OOSP2: variants seen among roughly 807,000 people sequenced by gnomAD.
OOSP2 encodes the protein oocyte-secreted protein 2.
Under a neutral mutation model 13.4 loss-of-function variants are expected in OOSP2, and 7 were observed. The observed-to-expected ratio is 0.52, with a 90% CI of 0.30 to 0.98. The LOEUF (loss-of-function observed/expected upper bound fraction) is 0.98. OOSP2 is among the 50% of genes least tolerant of loss of function. The pLI, the probability that OOSP2 is intolerant of heterozygous loss-of-function variation, is 0.07. For synonymous variants in OOSP2, 75 were observed against 67.2 expected, an observed-to-expected ratio of 1.12 and a Z score of -0.57; for missense variants, 184 against 188.5, an observed-to-expected ratio of 0.98 and a Z score of 0.14.
chr11:60,043,782 A>G, intron 2 of OOSP2, 135 bp downstream of exon 2: 3 of 548,196 alleles, frequency 5.5e-6, no homozygotes, highest in Non-Finnish European at 9.8e-6. Context: ...AACGGAATTT[A>G]TCATTATTTT....
chr11:60,044,785 C>T lies in OOSP2; in HGVS notation c.347+11C>T. The T allele has an allele frequency of 8.0e-7, 1 of 1,252,826 alleles. No individual in the cohort carries two copies. The highest frequency in any genetic ancestry group is 1.2e-6 in the Non-Finnish European group (1 of 855,666). The allele number at this position is 1,252,826 out of a possible 1,614,324, so 77.6% of individuals were successfully genotyped here. A position where few individuals can be genotyped will look rare whatever the true frequency, so the allele number is the denominator to read the frequency against. Reference sequence around the variant, plus strand: ...GTGTTCCACCTCTAGGTAAGTCCAGCAGATTTGATTCCTTTGGAATGTTTT... The same window carrying T: ...GTGTTCCACCTCTAGGTAAGTCCAGTAGATTTGATTCCTTTGGAATGTTTT... On this transcript the variant is annotated intron_variant, in intron 3 of 3. Transcript: ENST00000278855.
intron 3 of OOSP2, among the ~76,000 whole-genome samples, chr11:60,045,226 A>G (rs1404645622): frequency 6.6e-6 from 1 of 152,196 alleles, no homozygotes; most frequent in Non-Finnish European, 1.5e-5. Context: ...TTTAATACTA[A>G]CTCATGGAGA....
chr11:60,042,328 A>G (rs4938929), intron 1 of OOSP2, among the ~76,000 whole-genome samples: 24 of 152,304 alleles, frequency 1.6e-4, no homozygotes, highest in South Asian at 1.2e-3. Context: ...CAGTATTTCA[A>G]ACACGTAGAG....
chr11:60,043,738 T>G, intron 2 of OOSP2, 91 bp downstream of exon 2: 1 of 691,370 alleles, frequency 1.4e-6, no homozygotes, highest in Non-Finnish European at 2.4e-6. Context: ...AAATAATGTT[T>G]GCTTCTCATT....
chr11:60,046,902 A>C, intron 3 of OOSP2, 42 bp from the exon 4 acceptor site: 2 of 1,574,920 alleles, frequency 1.3e-6, no homozygotes, highest in Non-Finnish European at 1.7e-6. Context: ...CTTGATCCCA[A>C]GTGCTCCAAC....
chr11:60,044,706 G>A lies in OOSP2; in HGVS notation c.279G>A (p.Glu93=). The A allele has an allele frequency of 6.2e-7, 1 of 1,602,028 alleles. No individual in the cohort carries two copies. Among genetic ancestry groups the A allele is most frequent in the Non-Finnish European group, 8.5e-7 (1 of 1,170,104 alleles). Residue 93 remains glutamate (E), a synonymous_variant, in exon 3 of 4, where the codon GAG becomes GAA. Coordinates refer to ENST00000278855, the MANE Select transcript of OOSP2 (RefSeq NM_173801.5). ...VSEETLLFQT[E]LYFTPRNIDH... ...AGGAAACTCTCCTTTTTCAAACCGA[G>A]CTGTACTTTACCCCAAGGAATATAG...
chr11:60,044,540 AT>A, intron 2 of OOSP2, 130 bp from the exon 3 acceptor site: 1 of 481,076 alleles, frequency 2.1e-6, no homozygotes, highest in Non-Finnish European at 3.7e-6. Flanking sequence ...GAGTTGTCAT[AT>A]CTTTATTTAT....
At chr11:60,044,890 T>C (rs1590602781) in intron 3 of OOSP2, 116 bp downstream of exon 3, 1 of 463,316 alleles carries the variant, frequency 2.2e-6, no homozygotes, top group East Asian at 3.2e-5. Context: ...ATAAGTATAA[T>C]TGTAAACAAA....
In OOSP2 at chr11:60,044,703, C is replaced by A. The variant is rs755325379; in HGVS notation, c.276C>A (p.Thr92=). The change falls in exon 3 of 4, where the codon ACC becomes ACA. Residue 92 remains threonine (T), a synonymous_variant. Transcript: ENST00000278855. ...CTGAGGAAACTCTCCTTTTTCAAAC[C>A]GAGCTGTACTTTACCCCAAGGAATA... The part of the protein sequence containing the change: ...VVSEETLLFQ[T]ELYFTPRNID... The A allele has an allele frequency of 1.3e-6, 2 of 1,597,854 alleles. No homozygotes were observed. Among genetic ancestry groups the A allele is most frequent in the Non-Finnish European group, 1.7e-6 (2 of 1,167,046 alleles).
Position 60,044,664 on chromosome 11 carries a change from C to G in OOSP2, c.244-7C>G. On this transcript the variant is annotated splice_region_variant and splice_polypyrimidine_tract_variant and intron_variant, in intron 2 of 3. Transcript: ENST00000278855. ...ATATCTTCCACTGAAACTTCATGCT[C>G]TCCTAGGTAGTTTCTGAGGAAACTC... 7.4e-7 allele frequency: 1 copy of G among 1,358,758 alleles called. No individual in the cohort carries two copies. The highest frequency in any genetic ancestry group is 1.1e-6 in the Non-Finnish European group (1 of 949,152). The allele number at this position is 1,358,758 out of a possible 1,614,324, so 84.2% of individuals were successfully genotyped here. A position where few individuals can be genotyped will look rare whatever the true frequency, so the allele number is the denominator to read the frequency against.
chr11:60,043,580 CAAATCGGA>C lies in OOSP2; in HGVS notation c.177_184del (p.Asn60ThrfsTer6), dbSNP rs755067706. The C allele has an allele frequency of 6.2e-7, 1 of 1,608,616 alleles. No homozygotes were observed. The highest frequency in any genetic ancestry group is 1.1e-5 in the South Asian group (1 of 90,972). ...TTACATCTGGGAATGGGCTGCCCTG[CAAATCGGA>C]TACATACATATGTATATGAGTTTAT... On this transcript the variant is annotated frameshift_variant, in exon 2 of 4. Coordinates refer to ENST00000278855, the MANE Select transcript of OOSP2 (RefSeq NM_173801.5). LOFTEE classifies it high-confidence loss of function.
At chr11:60,045,951 G>A (rs1461038954) in intron 3 of OOSP2, among the ~76,000 whole-genome samples, 1 of 151,864 alleles carries the variant, frequency 6.6e-6, no homozygotes, top group African/African-American at 2.4e-5. Context: ...GTCTGTCCCT[G>A]TCTTTCTGGT....
At chr11:60,042,303 T>G (rs1854946056) in intron 1 of OOSP2, among the ~76,000 whole-genome samples, 1 of 152,244 alleles carries the variant, frequency 6.6e-6, no homozygotes, top group Non-Finnish European at 1.5e-5. Flanking sequence ...TCATCTTTCC[T>G]AGGTGATGTG....
chr11:60,046,092 G>C lies in OOSP2; in HGVS notation c.348-852G>C, dbSNP rs973424286. Among the ~76,000 whole-genome samples, 9 of 142,328 alleles carry C rather than the reference G, an allele frequency of 6.3e-5. No individual in the cohort carries two copies. The East Asian group carries it at 1.5e-3, about 23-fold the overall frequency. The allele number at this position is 142,328 out of a possible 152,430, so 93.4% of individuals were successfully genotyped here. On this transcript the variant is annotated intron_variant, in intron 3 of 3. Transcript: ENST00000278855. ...TCTCTCTGTCTGTCTCTCTCTCTCTGTCTCTGTCCCTGTCTCTCTGGTCTG... is the reference window on the plus strand; with the variant it reads ...TCTCTCTGTCTGTCTCTCTCTCTCTCTCTCTGTCCCTGTCTCTCTGGTCTG...
chr11:60,041,405 C>T (rs1464217839), intron 1 of OOSP2, among the ~76,000 whole-genome samples: 2 of 152,166 alleles, frequency 1.3e-5, no homozygotes, highest in African/African-American at 4.8e-5. Flanking sequence ...GAAAGAGCCA[C>T]TGTGAATTCT....
intron 3 of OOSP2, among the ~76,000 whole-genome samples, chr11:60,045,128 T>C (rs1854992182): frequency 7.1e-6 from 1 of 141,082 alleles, no homozygotes; most frequent in Non-Finnish European, 1.6e-5. Context: ...TTCAATGTTT[T>C]GTCTTTTATA....
Position 60,047,037 on chromosome 11 carries a change from G to C in OOSP2, c.441G>C (p.Glu147Asp). The C allele has an allele frequency of 6.2e-7, 1 of 1,611,176 alleles. No individual in the cohort carries two copies. The highest frequency in any genetic ancestry group is 1.1e-5 in the South Asian group (1 of 90,918). Residue 147 changes from glutamate (E) to aspartate (D), a missense_variant, in exon 4 of 4, where the codon GAG (glutamate) becomes GAC (aspartate). Glu to Asp is a conservative substitution (Grantham distance 45). Coordinates refer to ENST00000278855, the MANE Select transcript of OOSP2 (RefSeq NM_173801.5). ...CTGACTTTCAGACAACAGCAGAAGAGTTAGGATTATTATCTTCTAGTCCAA... is the reference window on the plus strand; with the variant it reads ...CTGACTTTCAGACAACAGCAGAAGACTTAGGATTATTATCTTCTAGTCCAA... Reference protein sequence around the residue: ...FIADFQTTAEELGLLSSSPNL... With the variant: ...FIADFQTTAEDLGLLSSSPNL...
intron 2 of OOSP2, 30 bp downstream of exon 2, chr11:60,043,677 C>T (rs373639050): frequency 1.5e-6 from 2 of 1,324,764 alleles, no homozygotes; most frequent in African/African-American, 1.4e-5. Context: ...GTAAAAAATA[C>T]TGCATGTTTT....
At chr11:60,046,418 C>T (rs1855009096) in intron 3 of OOSP2, among the ~76,000 whole-genome samples, 1 of 151,162 alleles carries the variant, frequency 6.6e-6, no homozygotes. Context: ...ATAGTAACTA[C>T]TATGTTGCTT....
Sources: allele counts gnomAD v4.1 joint callset (sites outside exome capture counted in the v4.1 genomes callset), GRCh38; gene constraint gnomAD v4.1.1; transcripts MANE v1.5; gene names NCBI Gene and HGNC (gene_info 2026-07-23, HGNC 2026-07-21).